PDE1C: variants seen among roughly 807,000 people sequenced by gnomAD.
PDE1C encodes phosphodiesterase 1C, also known as dual specificity calcium/calmodulin-dependent 3',5'-cyclic nucleotide phosphodiesterase 1C.
A neutral mutation model predicts 93.1 loss-of-function variants in PDE1C; 62 were observed. That is an observed-to-expected ratio of 0.67 (90% CI 0.54 to 0.82). The LOEUF is 0.82. Ranked by LOEUF, PDE1C falls within the 40% of genes least tolerant of loss-of-function variation. The probability of loss-of-function intolerance (pLI) is 0.00; values close to 1 mark genes in which losing one functional copy is unlikely to be tolerated. For missense variants in PDE1C, 742 were observed against 884.6 expected (o/e 0.84, Z 2.04); for synonymous variants, 325 against 310.1 (o/e 1.05, Z -0.50).
At chr7:31,647,653 AACAG>A in the PDE1C span, among the ~76,000 whole-genome samples, 3 of 141,568 alleles carry the variant, frequency 2.1e-5, no homozygotes, top group Non-Finnish European at 4.5e-5. Flanking sequence ...CAGCCTGAGC[AACAG>A]AGAGAGTCTC....
chr7:31,876,351 GACA>G (rs1245476695), intron 5 of PDE1C, among the ~76,000 whole-genome samples: 1 of 152,152 alleles, frequency 6.6e-6, no homozygotes, highest in Admixed American at 6.5e-5. Flanking sequence ...TGTCCCCTCA[GACA>G]ACATGTGTGC....
chr7:31,624,250 T>G, the PDE1C span, among the ~76,000 whole-genome samples: 1 of 145,322 alleles, frequency 6.9e-6, no homozygotes, highest in African/African-American at 2.5e-5. Flanking sequence ...ATGACTTTCT[T>G]CACAGAATTG....
chr7:31,747,916 C>G (rs552258540), downstream of PDE1C, among the ~76,000 whole-genome samples: 4 of 151,380 alleles, frequency 2.6e-5, no homozygotes, highest in Non-Finnish European at 5.9e-5. Context: ...AACTCCTGAG[C>G]AAGAAAGGAT....
At chr7:32,316,673 T>C (rs1783179316) in intron 1 of PDE1C, among the ~76,000 whole-genome samples, 1 of 152,194 alleles carries the variant, frequency 6.6e-6, no homozygotes, top group Non-Finnish European at 1.5e-5. Flanking sequence ...TTTTTCCCGA[T>C]GTTGATTACA....
chr7:31,661,744 T>C, the PDE1C span, among the ~76,000 whole-genome samples: 2 of 152,130 alleles, frequency 1.3e-5, no homozygotes, highest in East Asian at 1.9e-4. Flanking sequence ...ATTGGGAATA[T>C]TGTTGTTTCT....
intron 3 of PDE1C, among the ~76,000 whole-genome samples, chr7:32,139,710 T>G (rs560928663): frequency 6.6e-6 from 1 of 152,266 alleles, no homozygotes; most frequent in Admixed American, 6.5e-5. Context: ...CACTAACTTT[T>G]TGATGTAATT....
intron 2 of PDE1C, among the ~76,000 whole-genome samples, chr7:32,207,636 AT>A (rs1390952288): frequency 1.3e-5 from 2 of 151,578 alleles, no homozygotes; most frequent in African/African-American, 2.4e-5. Context: ...TTTTCCCTGT[AT>A]CAGTCCAACC....
At chr7:32,121,619 T>C (rs1007361575) in intron 3 of PDE1C, among the ~76,000 whole-genome samples, 2 of 152,148 alleles carry the variant, frequency 1.3e-5, no homozygotes, top group Non-Finnish European at 2.9e-5. Context: ...CAGAGTTTCA[T>C]GTCCAGCCAA....
chr7:32,084,654 C>T (rs1796947487), intron 3 of PDE1C, among the ~76,000 whole-genome samples: 1 of 150,860 alleles, frequency 6.6e-6, no homozygotes, highest in Admixed American at 6.6e-5. Context: ...CAAACTGTCT[C>T]TCAGACCACA....
intron 2 of PDE1C, among the ~76,000 whole-genome samples, chr7:32,187,109 T>C (rs1803933042): frequency 6.6e-6 from 1 of 152,128 alleles, no homozygotes; most frequent in African/African-American, 2.4e-5. Flanking sequence ...GGGAAACTAT[T>C]ATAATTTTCT....
the PDE1C span, chr7:31,644,031 T>G: frequency 7.4e-7 from 1 of 1,346,190 alleles, no homozygotes; most frequent in South Asian, 1.4e-5. Context: ...TCAGACTTCC[T>G]TGCTGAATGC....
intron 1 of PDE1C, among the ~76,000 whole-genome samples, chr7:32,238,234 T>C (rs1808276321): frequency 1.3e-5 from 2 of 152,216 alleles, no homozygotes. Context: ...ACTTTTCAAA[T>C]GACATCTTCT....
At chr7:32,104,989 C>A (rs1387330389) in intron 3 of PDE1C, among the ~76,000 whole-genome samples, 1 of 152,152 alleles carries the variant, frequency 6.6e-6, no homozygotes, top group Admixed American at 6.5e-5. Context: ...GCTCCAAGAA[C>A]CTGCCAAAGT....
chr7:32,320,920 G>C (rs1562672761), intron 1 of PDE1C, among the ~76,000 whole-genome samples: 1 of 152,126 alleles, frequency 6.6e-6, no homozygotes, highest in Non-Finnish European at 1.5e-5. Context: ...CGTTTACAGA[G>C]GAGTAAAGTG....
chr7:31,789,898 C>T (rs1784385751), intron 16 of PDE1C: 12 of 1,081,202 alleles, frequency 1.1e-5, no homozygotes, highest in African/African-American at 1.7e-5. Context: ...TGTCCATTCT[C>T]ATCAGGCCAG....
intron 1 of PDE1C, among the ~76,000 whole-genome samples, chr7:32,382,567 A>G (rs774408094): frequency 6.6e-5 from 10 of 152,096 alleles, no homozygotes; most frequent in Admixed American, 1.3e-4. Flanking sequence ...CAGTCTGCTC[A>G]TCCCTTGGAA....
intron 1 of PDE1C, among the ~76,000 whole-genome samples, chr7:32,217,482 AT>A (rs10706702): frequency 0.55 from 83,106 of 152,026 alleles, 22,975 homozygotes; most frequent in East Asian, 0.65. Context: ...GGTTTGATAA[AT>A]GTTGATGCTT....
At position 32,211,737 on chromosome 7, in the gene PDE1C, C is replaced by G. The variant is rs138620414; in HGVS notation, c.86-2198G>C. Among the ~76,000 whole-genome samples, 965 of 152,006 alleles carry G rather than the reference C, an allele frequency of 6.3e-3. 11 individuals carry two copies. The highest frequency in any genetic ancestry group is 0.022 in the African/African-American group (915 of 41,494). On this transcript the variant is annotated intron_variant, in intron 1 of 18. Coordinates refer to the PDE1C transcript ENST00000396193. ...CAAATGTCTGAAGAAAGAAATAGAG[C>G]TGGGTGGGGCATAGTGGCTCACACC...
rs534014133 is a variant in PDE1C at position 32,087,106 on chromosome 7, G to C, written c.308+82679C>G. ...GAGAAAATTTTCCCAACCTACTCATGTGACAAAGGGCTAATATCCAGAATC... is the reference window on the plus strand; with the variant it reads ...GAGAAAATTTTCCCAACCTACTCATCTGACAAAGGGCTAATATCCAGAATC... On this transcript the variant is annotated intron_variant, in intron 3 of 18. Transcript: ENST00000396193. Among the ~76,000 whole-genome samples the C allele has an allele frequency of 7.7e-4, 117 of 152,200 alleles. No homozygotes were observed. In the South Asian group the frequency reaches 0.021, roughly 27 times the overall value.
Sources: allele counts gnomAD v4.1 joint callset (sites outside exome capture counted in the v4.1 genomes callset), GRCh38; gene constraint gnomAD v4.1.1; transcripts MANE v1.5; gene names NCBI Gene and HGNC (gene_info 2026-07-23, HGNC 2026-07-21).